BTNL9: variants seen among roughly 807,000 people sequenced by gnomAD.
BTNL9 encodes the protein butyrophilin like 9, also known as butyrophilin-like protein 9.
A neutral mutation model predicts 45.8 loss-of-function variants in BTNL9; 45 were observed. The observed-to-expected ratio is 0.98, with a 90% confidence interval of 0.77 to 1.26. BTNL9 has a LOEUF of 1.26. BTNL9 is among the 50% of genes most tolerant of loss of function. BTNL9 has a pLI of 0.00. For synonymous variants in BTNL9, 346 were observed against 330.8 expected (o/e 1.05, Z -0.50); for missense variants, 784 against 729.7 (o/e 1.07, Z -0.86).
intron 4 of BTNL9, chr5:181,052,971 C>T (rs1485580459): frequency 1.5e-5 from 2 of 131,496 alleles, no homozygotes; most frequent in Admixed American, 7.3e-5. Flanking sequence ...CGGGCTGGGG[C>T]GCGGTTCCCT....
At position 181,059,274 on chromosome 5, in the gene BTNL9, C is replaced by G; in HGVS notation, c.1020C>G (p.Ser340Arg). The G allele has an allele frequency of 6.4e-7, 1 of 1,572,600 alleles. No individual in the cohort carries two copies. The highest frequency in any genetic ancestry group is 8.6e-7 in the Non-Finnish European group (1 of 1,167,846). ...TGGACCCGGCCTCGGCGCACCCCAGCCTGGAGGTGTCGGAGGATGGCAAGA... is the reference window on the plus strand; with the variant it reads ...TGGACCCGGCCTCGGCGCACCCCAGGCTGGAGGTGTCGGAGGATGGCAAGA... ...VTLDPASAHP[S>R]LEVSEDGKSV... The change falls in exon 11 of 11, where the codon AGC (serine) becomes AGG (arginine). Residue 340 changes from serine (S) to arginine (R), a missense_variant. Transcript: ENST00000327705.
rs774144406 is a variant in BTNL9 at position 181,059,651 on chromosome 5, C to G, written c.1397C>G (p.Ser466Cys). ...EAGELSFFNV[S>C]DGSHIFTFHD... ...GGAGAGCTGTCCTTCTTCAACGTGT[C>G]CGACGGCTCCCACATCTTCACCTTC... The change falls in exon 11 of 11, where the codon TCC becomes TGC. Residue 466 changes from serine to cysteine, a missense_variant. Transcript: ENST00000327705. 13 of 1,613,674 alleles carry G rather than the reference C, an allele frequency of 8.1e-6. No individual in the cohort carries two copies. The highest frequency in any genetic ancestry group is 1.1e-5 in the Non-Finnish European group (13 of 1,179,948).
chr5:181,056,487 T>A (rs774069536), intron 9 of BTNL9: 1 of 710,162 alleles, frequency 1.4e-6, no homozygotes, highest in Non-Finnish European at 2.6e-6. Context: ...TGCTTTAATA[T>A]CCATCGCTGC....
Position 181,055,302 on chromosome 5 carries a change from G to GT in BTNL9, c.908-130dup. The GT allele has an allele frequency of 6.5e-7, 1 of 1,545,856 alleles. No homozygotes were observed. The highest frequency in any genetic ancestry group is 2.0e-5 in the Admixed American group (1 of 50,614). On this transcript the variant is annotated intron_variant, in intron 7 of 10. Transcript: ENST00000327705. The surrounding 1 kb of genome is among the most constrained non-coding windows in gnomAD (Gnocchi z 4.4). ...GCAATGAAGGGGCAAAGAGGAAGCT[G>GT]TAAAAAAAAAAAAATGAAGCTGTGA...
chr5:181,045,508 TC>T lies in BTNL9; in HGVS notation c.23del (p.Pro8GlnfsTer4), dbSNP rs1182853346. 8.7e-6 allele frequency: 14 copies of T among 1,609,644 alleles called. No individual in the cohort carries two copies. The highest frequency in any genetic ancestry group is 1.0e-5 in the Non-Finnish European group (12 of 1,176,790). On this transcript the variant is annotated frameshift_variant, in exon 2 of 11. Transcript: ENST00000327705. LOFTEE classifies it high-confidence loss of function. MVDLSVSPDSLKPVSLT... is the reference protein window; with the variant it reads MVDLSVXPDSLKPVSLT... ...ACGAGAGATGGTGGACCTCTCAGTC[TC>T]CCCAGACTCCTTGAAGCCAGTATCG...
chr5:181,045,946 CCTCCAACA>C lies in BTNL9; in HGVS notation c.109+350_109+357del, dbSNP rs1240438530. On this transcript the variant is annotated intron_variant, in intron 2 of 10. Coordinates refer to ENST00000327705, the MANE Select transcript of BTNL9 (RefSeq NM_152547.5). ...AACACCTCCTCCACCATCTCCCCAG[CCTCCAACA>C]CCTCCTCCACCATCTCCCCAGCCTC... Among the ~76,000 whole-genome samples the C allele has an allele frequency of 5.0e-4, 26 of 52,224 alleles. 1 individual carries two copies. Among genetic ancestry groups the C allele is most frequent in the South Asian group, 8.3e-4 (1 of 1,200 alleles). 34.3% of individuals were successfully genotyped at this position (52,224 alleles called of 152,430 possible).
At chr5:181,045,661 C>T in intron 2 of BTNL9, 63 bp downstream of exon 2, 1 of 1,303,262 alleles carries the variant, frequency 7.7e-7, no homozygotes, top group Non-Finnish European at 1.1e-6. Flanking sequence ...AGGTGCTCCC[C>T]AGGGCTACGA....
rs1308854218 is a variant in BTNL9, at chr5:181,055,850, TATG to T, written c.929-135_929-133del. The T allele has an allele frequency of 1.1e-6, 1 of 925,714 alleles. No homozygotes were observed. The highest frequency in any genetic ancestry group is 1.7e-5 in the Admixed American group (1 of 58,394). The allele number at this position is 925,714 out of a possible 1,614,324, so 57.3% of individuals were successfully genotyped here. ...ATCTTCTTCTCATCTCCCAACCAGG[TATG>T]ATGCCCAGGCAGGACCCCTGCTGGC... is the stretch of plus-strand genomic sequence containing the variant. On this transcript the variant is annotated intron_variant, in intron 8 of 10. Transcript: ENST00000327705. The surrounding 1 kb of genome is among the most constrained non-coding windows in gnomAD (Gnocchi z 4.4).
chr5:181,049,611 T>A (rs1274777782), intron 3 of BTNL9, among the ~76,000 whole-genome samples: 1 of 152,242 alleles, frequency 6.6e-6, no homozygotes, highest in Non-Finnish European at 1.5e-5. Context: ...CACATTTCTG[T>A]ACAGCATTGG....
chr5:181,048,766 T>TATAG (rs1561978839), intron 3 of BTNL9, among the ~76,000 whole-genome samples: 57 of 40,894 alleles, frequency 1.4e-3, no homozygotes, highest in Admixed American at 6.7e-3. Flanking sequence ...TATAGATATA[T>TATAG]ATAGTATGCT....
chr5:181,053,532 C>A lies in BTNL9; in HGVS notation c.886+31C>A. ...CGGGGACAGGGCGTTCTGCACGCACCTGCCCAAGTGCCAAAACCCGCCGTC... is the reference window on the plus strand; with the variant it reads ...CGGGGACAGGGCGTTCTGCACGCACATGCCCAAGTGCCAAAACCCGCCGTC... On this transcript the variant is annotated intron_variant, in intron 6 of 10. Transcript: ENST00000327705. This position sits in a 1 kb window ranked among gnomAD's most constrained non-coding sequence, Gnocchi z 6.5. 6.4e-7 allele frequency: 1 copy of A among 1,562,390 alleles called. No homozygotes were observed. The highest frequency in any genetic ancestry group is 8.7e-7 in the Non-Finnish European group (1 of 1,152,972).
intron 9 of BTNL9, among the ~76,000 whole-genome samples, chr5:181,056,270 A>G (rs1001189537): frequency 2.8e-4 from 43 of 152,156 alleles, no homozygotes; most frequent in Admixed American, 2.2e-3. Flanking sequence ...ACTCAGACTC[A>G]TGGTTCTGGC....
At position 181,053,413 on chromosome 5, in the gene BTNL9, G is replaced by T; in HGVS notation, c.854-56G>T. ...CCCCCAGGACGCGGCGCGGGAAGGC[G>T]GCCTGGAAGGGGCGGGGGCGCGCAC... On this transcript the variant is annotated intron_variant, in intron 5 of 10. Coordinates refer to ENST00000327705, the MANE Select transcript of BTNL9 (RefSeq NM_152547.5). This position sits in a 1 kb window ranked among gnomAD's most constrained non-coding sequence, Gnocchi z 6.5. The T allele has an allele frequency of 6.5e-7, 1 of 1,542,006 alleles. No homozygotes were observed. The highest frequency in any genetic ancestry group is 8.7e-7 in the Non-Finnish European group (1 of 1,143,292).
At position 181,055,881 on chromosome 5, in the gene BTNL9, T is replaced by TGTGGGTG; in HGVS notation, c.929-102_929-96dup. 1 of 1,286,990 alleles carries TGTGGGTG rather than the reference T, an allele frequency of 7.8e-7. No homozygotes were observed. Among genetic ancestry groups the TGTGGGTG allele is most frequent in the Non-Finnish European group, 1.1e-6 (1 of 881,692 alleles). 79.7% of individuals were successfully genotyped at this position (1,286,990 alleles called of 1,614,324 possible). ...GCCCAGGCAGGACCCCTGCTGGCTA[T>TGTGGGTG]GTGGGTGGTGGGGGGTGCGGGACAG... On this transcript the variant is annotated intron_variant, in intron 8 of 10. Coordinates refer to ENST00000327705, the MANE Select transcript of BTNL9 (RefSeq NM_152547.5). This position sits in a 1 kb window ranked among gnomAD's most constrained non-coding sequence, Gnocchi z 4.4.
At chr5:181,058,491 G>A (rs1415640496) in intron 10 of BTNL9, 113 bp downstream of exon 10, 5 of 1,392,794 alleles carry the variant, frequency 3.6e-6, no homozygotes, top group East Asian at 2.3e-5. Context: ...CAAGTATGGG[G>A]CCTGCACACA....
rs1050796975 is a variant in BTNL9, at chr5:181,056,778, T to A, written c.955+763T>A. Reference sequence around the variant, plus strand: ...CCACCAGCCATGCAGTGAGATTCCATGTGCCCACATCTCATGTGAACCAGC... The same window carrying A: ...CCACCAGCCATGCAGTGAGATTCCAAGTGCCCACATCTCATGTGAACCAGC... On this transcript the variant is annotated intron_variant, in intron 9 of 10. Transcript: ENST00000327705. 6.7e-6 allele frequency: 4 copies of A among 593,788 alleles called. No homozygotes were observed. The African/African-American group carries it at 7.4e-5, about 11-fold the overall frequency. The allele number at this position is 593,788 out of a possible 1,614,324, so 36.8% of individuals were successfully genotyped here. A position where few individuals can be genotyped will look rare whatever the true frequency, so the allele number is the denominator to read the frequency against.
chr5:181,048,067 C>T lies in BTNL9; in HGVS notation c.250C>T (p.His84Tyr), dbSNP rs765516984. 5.0e-6 allele frequency: 8 copies of T among 1,613,682 alleles called. No individual in the cohort carries two copies. In the Admixed American group the frequency reaches 1.3e-4, roughly 27 times the overall value. Residue 84 changes from histidine (H) to tyrosine (Y), a missense_variant, in exon 3 of 11, where the codon CAC (histidine) becomes TAC (tyrosine). Physicochemically the swap from His to Tyr is moderately conservative, Grantham distance 83 (BLOSUM62 2). Transcript: ENST00000327705. ...WFRSQTFNVV[H>Y]LYQEQQELPG... Reference sequence around the variant, plus strand: ...CCGGAGTCAGACCTTCAATGTGGTACACCTGTACCAGGAGCAGCAGGAGCT... The same window carrying T: ...CCGGAGTCAGACCTTCAATGTGGTATACCTGTACCAGGAGCAGCAGGAGCT...
intron 10 of BTNL9, among the ~76,000 whole-genome samples, chr5:181,058,975 C>T (rs1762019465): frequency 6.6e-6 from 1 of 152,172 alleles, no homozygotes; most frequent in Non-Finnish European, 1.5e-5. Flanking sequence ...CAGCCTACTT[C>T]CTTTGCTATC....
chr5:181,048,748 T>TATATATAG (rs1554155891), intron 3 of BTNL9, among the ~76,000 whole-genome samples: 4 of 130,454 alleles, frequency 3.1e-5, no homozygotes, highest in Non-Finnish European at 1.6e-5. Flanking sequence ...TCTATCTATA[T>TATATATAG]ATATAGATAT....
Sources: allele counts gnomAD v4.1 joint callset (sites outside exome capture counted in the v4.1 genomes callset), GRCh38; gene constraint gnomAD v4.1.1; non-coding constraint Gnocchi (gnomAD v3.1); transcripts MANE v1.5; gene names NCBI Gene and HGNC (gene_info 2026-07-23, HGNC 2026-07-21).